GPATCH2: variants seen among roughly 807,000 people sequenced by gnomAD.
GPATCH2 encodes G-patch domain containing 2, also known as G patch domain-containing protein 2.
In GPATCH2, 51 loss-of-function variants were observed where a neutral mutation model predicts 58.0. That is an observed-to-expected ratio of 0.88 (90% CI 0.70 to 1.11). The LOEUF (loss-of-function observed/expected upper bound fraction) is 1.11, where lower values mean the gene tolerates loss of function less well. Among genes scored for constraint, GPATCH2 ranks in the 50% most tolerant of loss-of-function variants. The probability of loss-of-function intolerance (pLI) is 0.00; values close to 1 mark genes in which losing one functional copy is unlikely to be tolerated. For synonymous variants in GPATCH2, 222 were observed against 218.5 expected (o/e 1.02, Z -0.14); for missense variants, 625 against 652.2 (o/e 0.96, Z 0.45).
chr1:217,555,948 T>C (rs2102680350), intron 5 of GPATCH2, among the ~76,000 whole-genome samples: 1 of 152,336 alleles, frequency 6.6e-6, no homozygotes, highest in East Asian at 1.9e-4. Context: ...TTCTTTACTT[T>C]GTACTATACA....
chr1:217,620,150 CATT>C lies in GPATCH2; in HGVS notation c.403_405del (p.Asn135del). On this transcript the variant is annotated inframe_deletion, in exon 2 of 10. Coordinates refer to ENST00000366935, the MANE Select transcript of GPATCH2 (RefSeq NM_018040.5). ...TGCCATAGAGGTCTTTTCCCTCGAA[CATT>C]ATTATTTAAGTTTGATGACGGCCTG... The C allele has an allele frequency of 6.2e-7, 1 of 1,614,108 alleles. No individual in the cohort carries two copies. Among genetic ancestry groups the C allele is most frequent in the Non-Finnish European group, 8.5e-7 (1 of 1,179,984 alleles).
intron 1 of GPATCH2, among the ~76,000 whole-genome samples, chr1:217,624,174 T>C (rs187733306): frequency 2.0e-5 from 3 of 152,248 alleles, no homozygotes; most frequent in East Asian, 3.9e-4. Context: ...AATGAGCCAG[T>C]AATATTATAG....
chr1:217,439,985 A>G (rs1431568017), intron 9 of GPATCH2, among the ~76,000 whole-genome samples: 1 of 152,248 alleles, frequency 6.6e-6, no homozygotes, highest in Non-Finnish European at 1.5e-5. Context: ...AAAGGATAGA[A>G]AAAGAGGGAC....
At chr1:217,618,233 T>C (rs935800197) in intron 2 of GPATCH2, among the ~76,000 whole-genome samples, 8 of 151,152 alleles carry the variant, frequency 5.3e-5, no homozygotes, top group African/African-American at 1.9e-4. Flanking sequence ...TTTTTTTTTT[T>C]TTTTTTTTGA....
chr1:217,547,970 C>A (rs1665148098), intron 5 of GPATCH2, among the ~76,000 whole-genome samples: 1 of 152,138 alleles, frequency 6.6e-6, no homozygotes, highest in South Asian at 2.1e-4. Flanking sequence ...CCTGCTCCTC[C>A]ATGGTAAAAC....
At chr1:217,515,342 T>C (rs1055661480) in intron 5 of GPATCH2, among the ~76,000 whole-genome samples, 1 of 151,916 alleles carries the variant, frequency 6.6e-6, no homozygotes, top group African/African-American at 2.4e-5. Context: ...GTGATCTGCC[T>C]GCCTCGGCCT....
At position 217,549,331 on chromosome 1, in the gene GPATCH2, C is replaced by T. The variant is rs919959024; in HGVS notation, c.1099-34442G>A. Among the ~76,000 whole-genome samples, 6 of 152,132 alleles carry T rather than the reference C, an allele frequency of 3.9e-5. No individual in the cohort carries two copies. The East Asian group carries it at 5.8e-4, about 15-fold the overall frequency. On this transcript the variant is annotated intron_variant, in intron 5 of 9. Transcript: ENST00000366935. ...ATATTTCTCAGGATATAGACTTCTCCCTCATGTTCCATATATCTGTTATGT... is the reference window on the plus strand; with the variant it reads ...ATATTTCTCAGGATATAGACTTCTCTCTCATGTTCCATATATCTGTTATGT...
intron 5 of GPATCH2, among the ~76,000 whole-genome samples, chr1:217,537,316 T>A (rs773933986): frequency 1.3e-5 from 2 of 152,182 alleles, no homozygotes; most frequent in Admixed American, 6.5e-5. Context: ...TTTCAATTAA[T>A]AAACTTCGTA....
intron 5 of GPATCH2, among the ~76,000 whole-genome samples, chr1:217,562,018 T>C (rs780295625): frequency 1.4e-4 from 22 of 152,190 alleles, no homozygotes; most frequent in Non-Finnish European, 2.8e-4. Flanking sequence ...TACCTGAGCA[T>C]ACAACTTTTC....
rs1019578382 is a variant in GPATCH2 at position 217,430,833 on chromosome 1, G to A, written c.*312C>T. ...GCATTGCAGCACTGCACACATACATGAATTAAGCAAAGCATCGGAAAGTAT... is the reference window on the plus strand; with the variant it reads ...GCATTGCAGCACTGCACACATACATAAATTAAGCAAAGCATCGGAAAGTAT... On this transcript the variant is annotated 3_prime_UTR_variant, in exon 10 of 10. Coordinates refer to ENST00000366935, the MANE Select transcript of GPATCH2 (RefSeq NM_018040.5). The A allele has an allele frequency of 2.9e-5, 11 of 378,830 alleles. No homozygotes were observed. In the Admixed American group the frequency reaches 4.7e-4, roughly 16 times the overall value. The allele number at this position is 378,830 out of a possible 1,614,324, so 23.5% of individuals were successfully genotyped here. A position where few individuals can be genotyped will look rare whatever the true frequency, so the allele number is the denominator to read the frequency against.
chr1:217,616,211 T>C (rs1395762687), intron 2 of GPATCH2, among the ~76,000 whole-genome samples: 1 of 152,138 alleles, frequency 6.6e-6, no homozygotes. Flanking sequence ...AATTTACATC[T>C]ATTCCAAAGA....
intron 8 of GPATCH2, among the ~76,000 whole-genome samples, chr1:217,470,590 T>A (rs1359613307): frequency 6.6e-6 from 1 of 152,158 alleles, no homozygotes; most frequent in African/African-American, 2.4e-5. Context: ...TCTATGATCA[T>A]TAGTTTAAAA....
At chr1:217,438,165 A>G (rs1658936767) in intron 9 of GPATCH2, among the ~76,000 whole-genome samples, 1 of 152,204 alleles carries the variant, frequency 6.6e-6, no homozygotes, top group South Asian at 2.1e-4. Context: ...AAAAACTAAC[A>G]AACAGAAAGG....
intron 8 of GPATCH2, among the ~76,000 whole-genome samples, chr1:217,460,138 A>G (rs961464295): frequency 2.6e-5 from 4 of 152,194 alleles, no homozygotes; most frequent in Non-Finnish European, 5.9e-5. Flanking sequence ...TAATTTTTAC[A>G]TAATGTAATC....
intron 5 of GPATCH2, among the ~76,000 whole-genome samples, chr1:217,600,484 T>C (rs1262950051): frequency 1.3e-5 from 2 of 152,198 alleles, no homozygotes; most frequent in Admixed American, 6.5e-5. Flanking sequence ...TTGGAAGTGT[T>C]CTACCCATCA....
intron 6 of GPATCH2, 129 bp from the exon 7 acceptor site, chr1:217,498,524 G>T: frequency 1.4e-6 from 1 of 739,176 alleles, no homozygotes. Flanking sequence ...TTATTTTAAT[G>T]GATGTTTCAT....
chr1:217,529,133 T>C (rs1203823976), intron 5 of GPATCH2, among the ~76,000 whole-genome samples: 15 of 152,118 alleles, frequency 9.9e-5, no homozygotes, highest in Admixed American at 9.2e-4. Context: ...GAGAATCAGA[T>C]GGAGACAGAG....
chr1:217,609,891 A>C, intron 5 of GPATCH2: 1 of 1,081,638 alleles, frequency 9.2e-7, no homozygotes. Flanking sequence ...TGTAAAAAAA[A>C]AACCATAAAA....
intron 3 of GPATCH2, among the ~76,000 whole-genome samples, chr1:217,612,050 T>A (rs1358663324): frequency 6.6e-6 from 1 of 151,886 alleles, no homozygotes; most frequent in African/African-American, 2.4e-5. Flanking sequence ...CATGATGACA[T>A]GCACCTGTAG....
Sources: allele counts gnomAD v4.1 joint callset (sites outside exome capture counted in the v4.1 genomes callset), GRCh38; gene constraint gnomAD v4.1.1; transcripts MANE v1.5; gene names NCBI Gene and HGNC (gene_info 2026-07-23, HGNC 2026-07-21).